The following SNX16 variants were observed in gnomAD, a reference collection of about 807,000 sequenced individuals.
SNX16 encodes sorting nexin-16.
In SNX16, 35 loss-of-function variants were observed where a neutral mutation model predicts 36.7. That is an observed-to-expected ratio of 0.95 (90% CI 0.73 to 1.27). The LOEUF (loss-of-function observed/expected upper bound fraction) is 1.27. SNX16 is among the 50% of genes most tolerant of loss of function. SNX16 has a pLI of 0.00. For synonymous variants in SNX16, 134 were observed against 132.0 expected (o/e 1.02, Z -0.10); for missense variants, 367 against 393.6 (o/e 0.93, Z 0.57).
chr8:81,827,433 C>A (rs1411980612), intron 3 of SNX16, among the ~76,000 whole-genome samples: 1 of 151,922 alleles, frequency 6.6e-6, no homozygotes, highest in East Asian at 1.9e-4. Context: ...TATCAGGTAA[C>A]TTCATGAATT....
chr8:81,816,936 G>A (rs1810521844), intron 4 of SNX16, among the ~76,000 whole-genome samples: 1 of 152,106 alleles, frequency 6.6e-6, no homozygotes, highest in Admixed American at 6.5e-5. Flanking sequence ...CTCTAGTCAT[G>A]GCCTCTAGTA....
At chr8:81,814,056 T>A (rs1213776464) in intron 5 of SNX16, among the ~76,000 whole-genome samples, 1 of 152,028 alleles carries the variant, frequency 6.6e-6, no homozygotes, top group African/African-American at 2.4e-5. Flanking sequence ...CTTCTACTCT[T>A]AGGGAAGTAG....
intron 5 of SNX16, chr8:81,808,538 TG>T: frequency 1.0e-6 from 1 of 981,442 alleles, no homozygotes; most frequent in Non-Finnish European, 1.6e-6. Flanking sequence ...ACTTTGGAGG[TG>T]GTGGAAGCTA....
chr8:81,831,727 TCAA>T (rs1159107093), intron 2 of SNX16, among the ~76,000 whole-genome samples: 1 of 146,082 alleles, frequency 6.8e-6, no homozygotes, highest in Non-Finnish European at 1.5e-5. Flanking sequence ...CTTAAACAAT[TCAA>T]CAAATAACCT....
At chr8:81,826,747 T>C (rs1811037905) in intron 3 of SNX16, among the ~76,000 whole-genome samples, 3 of 152,348 alleles carry the variant, frequency 2.0e-5, no homozygotes, top group Admixed American at 1.3e-4. Flanking sequence ...AATGTTCTCT[T>C]TCTAAGCAGT....
chr8:81,816,325 G>C (rs971920124), intron 4 of SNX16, among the ~76,000 whole-genome samples: 4 of 151,884 alleles, frequency 2.6e-5, no homozygotes, highest in African/African-American at 4.8e-5. Flanking sequence ...GAGTAGCAGG[G>C]ATTAGAGGCT....
chr8:81,813,721 C>T (rs1156810898), intron 5 of SNX16, among the ~76,000 whole-genome samples: 1 of 151,646 alleles, frequency 6.6e-6, no homozygotes, highest in Non-Finnish European at 1.5e-5. Context: ...GATTTTATAA[C>T]TGAATAAGAT....
chr8:81,838,058 G>A (rs1811569259), intron 2 of SNX16, among the ~76,000 whole-genome samples: 1 of 152,120 alleles, frequency 6.6e-6, no homozygotes, highest in Non-Finnish European at 1.5e-5. Flanking sequence ...GTTGAGCAAG[G>A]TTGCTGGATA....
At chr8:81,836,868 A>T in intron 2 of SNX16, among the ~76,000 whole-genome samples, 1 of 152,280 alleles carries the variant, frequency 6.6e-6, no homozygotes, top group Non-Finnish European at 1.5e-5. Context: ...GCAGAGTAAA[A>T]TCCAAAGTCT....
At chr8:81,821,811 T>C (rs1302341555) in intron 4 of SNX16, among the ~76,000 whole-genome samples, 1 of 152,116 alleles carries the variant, frequency 6.6e-6, no homozygotes, top group Admixed American at 6.6e-5. Context: ...AACATTAGAT[T>C]GGATGGTGAA....
At chr8:81,822,009 A>C (rs1440107695) in intron 4 of SNX16, among the ~76,000 whole-genome samples, 2 of 152,154 alleles carry the variant, frequency 1.3e-5, no homozygotes, top group Non-Finnish European at 2.9e-5. Context: ...TCTCAATTCT[A>C]TTGAGACTGG....
chr8:81,840,900 T>G (rs1563460272), intron 1 of SNX16, among the ~76,000 whole-genome samples: 1 of 152,162 alleles, frequency 6.6e-6, no homozygotes, highest in Non-Finnish European at 1.5e-5. Context: ...TGTTAAATAA[T>G]AAACTCATAA....
intron 5 of SNX16, among the ~76,000 whole-genome samples, chr8:81,809,557 C>T (rs1193362215): frequency 6.6e-6 from 1 of 151,796 alleles, no homozygotes; most frequent in Non-Finnish European, 1.5e-5. Flanking sequence ...GAAAATGTGA[C>T]AAAGAATGTG....
intron 2 of SNX16, among the ~76,000 whole-genome samples, chr8:81,830,650 G>A (rs1192166821): frequency 2.6e-5 from 4 of 151,248 alleles, no homozygotes; most frequent in East Asian, 1.9e-4. Context: ...CCATGCTCAT[G>A]GATTGGAAGA....
intron 4 of SNX16, among the ~76,000 whole-genome samples, chr8:81,816,848 C>T (rs774479): frequency 0.25 from 37,695 of 152,016 alleles, 5,223 homozygotes; most frequent in East Asian, 0.37. Flanking sequence ...TTAAATTCTT[C>T]TGTCTTATGC....
intron 5 of SNX16, among the ~76,000 whole-genome samples, chr8:81,806,011 A>G (rs1809924745): frequency 6.6e-6 from 1 of 152,316 alleles, no homozygotes; most frequent in African/African-American, 2.4e-5. Context: ...AACCTCCCCA[A>G]ATAATCTGAA....
chr8:81,822,894 G>A (rs1360708532), intron 4 of SNX16, among the ~76,000 whole-genome samples: 1 of 146,284 alleles, frequency 6.8e-6, no homozygotes, highest in East Asian at 2.0e-4. Flanking sequence ...AAGCCATCAG[G>A]CTTATGTGGC....
At chr8:81,813,067 T>C (rs932094237) in intron 5 of SNX16, among the ~76,000 whole-genome samples, 5 of 151,706 alleles carry the variant, frequency 3.3e-5, no homozygotes, top group Non-Finnish European at 4.4e-5. Flanking sequence ...AGAAAACAAA[T>C]TGCAAAATGG....
At chr8:81,820,373 T>G (rs1455770071) in intron 4 of SNX16, among the ~76,000 whole-genome samples, 1 of 152,114 alleles carries the variant, frequency 6.6e-6, no homozygotes, top group Non-Finnish European at 1.5e-5. Context: ...GCAGAGATAG[T>G]TAAAATCTTG....
Sources: allele counts gnomAD v4.1 joint callset (sites outside exome capture counted in the v4.1 genomes callset), GRCh38; gene constraint gnomAD v4.1.1; transcripts MANE v1.5; gene names NCBI Gene and HGNC (gene_info 2026-07-23, HGNC 2026-07-21).